The following HEG1 variants were observed in gnomAD, a reference collection of about 807,000 sequenced individuals.
The protein encoded by HEG1 is heart development protein with EGF like domains 1, also known as protein HEG homolog 1.
Under a neutral mutation model 125.6 loss-of-function variants are expected in HEG1, and 56 were observed. The observed-to-expected ratio is 0.45, with a 90% CI of 0.36 to 0.56. The LOEUF is 0.56. Ranked by LOEUF, HEG1 falls within the 20% of genes least tolerant of loss-of-function variation. The probability of loss-of-function intolerance (pLI) is 0.00; values close to 1 mark genes in which losing one functional copy is unlikely to be tolerated. For missense variants in HEG1, 1,523 were observed against 1,670.0 expected, an observed-to-expected ratio of 0.91 and a Z score of 1.53; for synonymous variants, 644 against 668.5, an observed-to-expected ratio of 0.96 and a Z score of 0.57.
intron 1 of HEG1, 56 bp downstream of exon 1, chr3:125,055,519 G>GCGCCCACGCCCCCAGCA: frequency 9.0e-7 from 1 of 1,111,378 alleles, no homozygotes; most frequent in Non-Finnish European, 1.1e-6. Context: ...AGCCCGGGGC[G>GCGCCCACGCCCCCAGCA]CGCCCACGCC....
intron 9 of HEG1, among the ~76,000 whole-genome samples, chr3:125,002,534 G>C (rs990200031): frequency 6.6e-6 from 1 of 152,142 alleles, no homozygotes; most frequent in Non-Finnish European, 1.5e-5. Context: ...TAAATCAGTG[G>C]GGAAAATCTT....
rs1353078892 is a variant in HEG1, at chr3:125,019,242, C to G, written c.1588+20G>C. The G allele has an allele frequency of 6.3e-7, 1 of 1,588,764 alleles. No individual in the cohort carries two copies. Among genetic ancestry groups the G allele is most frequent in the African/African-American group, 1.3e-5 (1 of 74,478 alleles). On this transcript the variant is annotated intron_variant, in intron 5 of 16. Coordinates refer to ENST00000311127, the MANE Select transcript of HEG1 (RefSeq NM_020733.2). ...CTCTCTCCTCTATGGGGCACAGTTG[C>G]ATGAAATGGAAAAACTCACTCGAAC... is the stretch of plus-strand genomic sequence containing the variant.
intron 3 of HEG1, among the ~76,000 whole-genome samples, chr3:125,021,452 C>T (rs527663858): frequency 6.6e-6 from 1 of 152,236 alleles, no homozygotes; most frequent in African/African-American, 2.4e-5. Context: ...TACATTACAG[C>T]TTAAACAGGA....
At chr3:125,042,797 G>A (rs1375457885) in intron 1 of HEG1, among the ~76,000 whole-genome samples, 1 of 152,228 alleles carries the variant, frequency 6.6e-6, no homozygotes, top group Non-Finnish European at 1.5e-5. Flanking sequence ...GTGGCCAGCA[G>A]CGGGATATTC....
rs1170103510 is a variant in HEG1 at position 125,002,865 on chromosome 3, C to T, written c.3298-550G>A. 5.3e-5 allele frequency among the ~76,000 whole-genome samples: 8 copies of T among 152,304 alleles called. No individual in the cohort carries two copies. In the East Asian group the frequency reaches 1.5e-3, roughly 29 times the overall value. Reference sequence around the variant, plus strand: ...TTAAGAGCTACTCTCCCTATGTTTGCCTTGTGCCCTTGGAGACGGCAGAAA... The same window carrying T: ...TTAAGAGCTACTCTCCCTATGTTTGTCTTGTGCCCTTGGAGACGGCAGAAA... On this transcript the variant is annotated intron_variant, in intron 9 of 16. Coordinates refer to ENST00000311127, the MANE Select transcript of HEG1 (RefSeq NM_020733.2).
intron 1 of HEG1, among the ~76,000 whole-genome samples, chr3:125,043,684 C>G (rs1937619913): frequency 6.6e-6 from 1 of 152,100 alleles, no homozygotes; most frequent in African/African-American, 2.4e-5. Flanking sequence ...GCTCCCAGTC[C>G]CCTCTGGACG....
intron 9 of HEG1, 51 bp downstream of exon 9, chr3:125,005,212 ATC>A: frequency 9.2e-7 from 1 of 1,091,180 alleles, no homozygotes; most frequent in Non-Finnish European, 1.4e-6. Context: ...TTGGAATAAA[ATC>A]TGTTCTAGGA....
chr3:125,049,148 G>T (rs1012883154), intron 1 of HEG1, among the ~76,000 whole-genome samples: 62 of 152,146 alleles, frequency 4.1e-4, no homozygotes, highest in African/African-American at 1.4e-3. Context: ...TCAGAATGGA[G>T]GCCAGAGGCC....
chr3:125,035,399 G>A (rs1328401680), intron 1 of HEG1, among the ~76,000 whole-genome samples: 1 of 152,090 alleles, frequency 6.6e-6, no homozygotes, highest in Non-Finnish European at 1.5e-5. Context: ...CTAAGAGTAG[G>A]TCTTAAAAGC....
In HEG1 at chr3:125,029,446, T is replaced by G; in HGVS notation, c.359A>C (p.His120Pro). The change falls in exon 2 of 17, where the codon CAT (histidine) becomes CCT (proline). Residue 120 changes from histidine (H) to proline (P), a missense_variant. Transcript: ENST00000311127. Reference protein sequence around the residue: ...KHWPESNTEAHVENITFYQNQ... With the variant: ...KHWPESNTEAPVENITFYQNQ... The stretch of plus-strand genomic sequence containing the variant: ...CTGATAGAAGGTGATGTTTTCTACA[T>G]GGGCCTCAGTGTTACTTTCTGGCCA... The G allele has an allele frequency of 1.2e-6, 2 of 1,602,176 alleles. No individual in the cohort carries two copies. The highest frequency in any genetic ancestry group is 1.7e-6 in the Non-Finnish European group (2 of 1,179,468).
chr3:125,019,412 C>T lies in HEG1; in HGVS notation c.1438G>A (p.Val480Met). 1 of 1,614,068 alleles carries T rather than the reference C, an allele frequency of 6.2e-7. No homozygotes were observed. The highest frequency in any genetic ancestry group is 8.5e-7 in the Non-Finnish European group (1 of 1,179,892). Residue 480 changes from valine (V) to methionine (M), a missense_variant, in exon 5 of 17, where the codon GTG becomes ATG. Transcript: ENST00000311127. ...AACTGGGTCAACACTGAAGCATTCACACCTTCAGGATATGAAGCAGAGCTT... is the reference window on the plus strand; with the variant it reads ...AACTGGGTCAACACTGAAGCATTCATACCTTCAGGATATGAAGCAGAGCTT... The part of the protein sequence containing the change: ...TGSSASYPEG[V>M]NASVLTQFSD...
chr3:124,971,163 G>A (rs1316483454), intron 16 of HEG1: 1 of 470,500 alleles, frequency 2.1e-6, no homozygotes, highest in South Asian at 1.5e-5. Context: ...GAATAAGAGG[G>A]GCTACTTTGA....
rs1937920896 is a variant in HEG1 at position 125,055,653 on chromosome 3, G to A, written c.238C>T (p.Pro80Ser). The A allele has an allele frequency of 8.4e-7, 1 of 1,184,992 alleles. No homozygotes were observed. The highest frequency in any genetic ancestry group is 3.4e-4 in the Middle Eastern group (1 of 2,950). 73.4% of individuals were successfully genotyped at this position (1,184,992 alleles called of 1,614,324 possible). A position where few individuals can be genotyped will look rare whatever the true frequency, so the allele number is the denominator to read the frequency against. The change falls in exon 1 of 17, where the codon CCC becomes TCC. Residue 80 changes from proline to serine, a missense_variant. Transcript: ENST00000311127. Reference protein sequence around the residue: ...RERRGPATPGPSYRAPEPGAA... With the variant: ...RERRGPATPGSSYRAPEPGAA... The stretch of plus-strand genomic sequence containing the variant: ...CCTGGCTCAGGGGCCCTGTAGCTGG[G>A]GCCGGGGGTCGCGGGCCCGCGGCGC...
intron 14 of HEG1, among the ~76,000 whole-genome samples, chr3:124,988,685 G>A (rs1017780596): frequency 4.6e-5 from 7 of 152,160 alleles, no homozygotes; most frequent in Admixed American, 3.3e-4. Flanking sequence ...TTGGGAGGCC[G>A]AGGTGGGCGG....
rs1365005459 is a variant in HEG1, at chr3:124,966,722, A to G, written c.*3930T>C. ...GTGTATTTTAGAACTATGGGTCAAA[A>G]CCCTGTGTGTTAGGCTAAACTTAGC... On this transcript the variant is annotated 3_prime_UTR_variant, in exon 17 of 17. Transcript: ENST00000311127. 15 of 152,216 alleles carry G rather than the reference A, an allele frequency of 9.9e-5. No individual in the cohort carries two copies. The highest frequency in any genetic ancestry group is 9.8e-4 in the Admixed American group (15 of 15,280). The allele number at this position is 152,216 out of a possible 1,614,324, so 9.4% of individuals were successfully genotyped here.
At chr3:125,002,904 A>G (rs998722805) in intron 9 of HEG1, among the ~76,000 whole-genome samples, 2 of 152,178 alleles carry the variant, frequency 1.3e-5, no homozygotes, top group African/African-American at 2.4e-5. Context: ...CCTCTACAGC[A>G]TGAAATATCA....
intron 1 of HEG1, among the ~76,000 whole-genome samples, chr3:125,033,981 C>T (rs1937523050): frequency 1.4e-5 from 2 of 145,740 alleles, no homozygotes; most frequent in African/African-American, 5.0e-5. Flanking sequence ...CCGCCCTATC[C>T]GTGGAAAAAT....
chr3:125,049,771 C>G (rs1161398474), intron 1 of HEG1, among the ~76,000 whole-genome samples: 1 of 152,156 alleles, frequency 6.6e-6, no homozygotes, highest in African/African-American at 2.4e-5. Flanking sequence ...CGATGCCCAC[C>G]AGCATTCCAG....
chr3:125,049,817 A>G (rs1483430470), intron 1 of HEG1, among the ~76,000 whole-genome samples: 1 of 152,170 alleles, frequency 6.6e-6, no homozygotes, highest in Admixed American at 6.5e-5. Flanking sequence ...TAGTGAGGGC[A>G]GATATGTATG....
Sources: allele counts gnomAD v4.1 joint callset (sites outside exome capture counted in the v4.1 genomes callset), GRCh38; gene constraint gnomAD v4.1.1; transcripts MANE v1.5; gene names NCBI Gene and HGNC (gene_info 2026-07-23, HGNC 2026-07-21).